The following CENPP variants were observed in gnomAD, a reference collection of about 807,000 sequenced individuals.
CENPP encodes the protein centromere protein P.
CENPP carries 24 observed loss-of-function variants against 35.6 expected under a neutral mutation model. The observed-to-expected ratio is 0.67, with a 90% CI of 0.49 to 0.95. The LOEUF is 0.95. Ranked by LOEUF, CENPP falls within the 40% of genes least tolerant of loss-of-function variation. The pLI, the probability that CENPP is intolerant of heterozygous loss-of-function variation, is 0.00. For synonymous variants in CENPP, 120 were observed against 125.5 expected (o/e 0.96, Z 0.29); for missense variants, 332 against 345.3 (o/e 0.96, Z 0.31).
At chr9:92,598,416 AGAGTATCGG>A (rs1269169261) in intron 5 of CENPP, among the ~76,000 whole-genome samples, 1 of 152,252 alleles carries the variant, frequency 6.6e-6, no homozygotes, top group Non-Finnish European at 1.5e-5. Context: ...AACCCTCCAC[AGAGTATCGG>A]GAGTAGTGGG....
chr9:92,366,550 A>AG (rs1841893917), intron 4 of CENPP, among the ~76,000 whole-genome samples: 1 of 152,200 alleles, frequency 6.6e-6, no homozygotes, highest in Non-Finnish European at 1.5e-5. Flanking sequence ...CAACTGATCT[A>AG]GTTAAAGTCC....
At chr9:92,391,321 G>T (rs1210619180) in intron 5 of CENPP, among the ~76,000 whole-genome samples, 2 of 151,978 alleles carry the variant, frequency 1.3e-5, no homozygotes, top group South Asian at 4.2e-4. Context: ...GCAGGAGAAT[G>T]GCATGAACCT....
At chr9:92,567,383 T>TAG (rs139362081) in intron 5 of CENPP, among the ~76,000 whole-genome samples, 1 of 94,642 alleles carries the variant, frequency 1.1e-5, no homozygotes, top group Non-Finnish European at 2.1e-5. Flanking sequence ...GATATATATA[T>TAG]ATATATATAT....
chr9:92,494,161 C>A lies in CENPP; in HGVS notation c.564+114302C>A. On this transcript the variant is annotated intron_variant, in intron 5 of 7. Coordinates refer to ENST00000375587, the MANE Select transcript of CENPP (RefSeq NM_001012267.3). ...CATCTGAAACACAGCTGAATAAAGT[C>A]AGAGTAAGAAATGAATGAATGAATC... The A allele has an allele frequency of 1.9e-6, 3 of 1,596,564 alleles. No homozygotes were observed. The South Asian group carries it at 3.3e-5, about 18-fold the overall frequency.
chr9:92,445,271 C>T (rs1435683988), intron 5 of CENPP, among the ~76,000 whole-genome samples: 1 of 152,166 alleles, frequency 6.6e-6, no homozygotes, highest in African/African-American at 2.4e-5. Flanking sequence ...TCATTGGGGT[C>T]CAGCAATGAG....
intron 5 of CENPP, among the ~76,000 whole-genome samples, chr9:92,521,167 A>T (rs1477346063): frequency 6.6e-6 from 1 of 152,254 alleles, no homozygotes; most frequent in Admixed American, 6.5e-5. Context: ...TTTTCGGACA[A>T]CTTGGAAATA....
intron 5 of CENPP, among the ~76,000 whole-genome samples, chr9:92,540,305 G>A (rs1366077493): frequency 6.6e-6 from 1 of 152,090 alleles, no homozygotes; most frequent in African/African-American, 2.4e-5. Flanking sequence ...AGGCAAGGTG[G>A]CATGCGCCAG....
chr9:92,339,791 C>T (rs756792363), intron 3 of CENPP: 11 of 153,732 alleles, frequency 7.2e-5, no homozygotes, highest in South Asian at 2.1e-4. Context: ...GGATTGGTAT[C>T]ATTTAGGCTG....
intron 5 of CENPP, among the ~76,000 whole-genome samples, chr9:92,382,659 C>A (rs1181025492): frequency 6.6e-6 from 1 of 151,934 alleles, no homozygotes; most frequent in Non-Finnish European, 1.5e-5. Flanking sequence ...AAGTTTAGGT[C>A]TTTTAGTTTG....
chr9:92,477,155 C>T (rs1385170194), intron 5 of CENPP, among the ~76,000 whole-genome samples: 1 of 152,138 alleles, frequency 6.6e-6, no homozygotes. Flanking sequence ...CTGTAGCAGG[C>T]ATGGGGTGTC....
At chr9:92,536,092 C>T in intron 5 of CENPP, 1 of 476,970 alleles carries the variant, frequency 2.1e-6, no homozygotes, top group Non-Finnish European at 4.1e-6. Context: ...AACTGCCTCC[C>T]TTGGGGATAA....
intron 2 of CENPP, among the ~76,000 whole-genome samples, chr9:92,334,881 A>G (rs866755881): frequency 6.6e-6 from 1 of 151,888 alleles, no homozygotes; most frequent in Non-Finnish European, 1.5e-5. Flanking sequence ...CTGTCTCAAA[A>G]AAAACCAAAA....
chr9:92,326,568 T>C (rs1840518989), intron 1 of CENPP, among the ~76,000 whole-genome samples: 1 of 152,218 alleles, frequency 6.6e-6, no homozygotes, highest in South Asian at 2.1e-4. Flanking sequence ...GTAGTTAATA[T>C]AGACTGCAGG....
At chr9:92,375,724 C>A (rs1458336027) in intron 4 of CENPP, among the ~76,000 whole-genome samples, 1 of 152,066 alleles carries the variant, frequency 6.6e-6, no homozygotes, top group Non-Finnish European at 1.5e-5. Flanking sequence ...TCTTTATTGC[C>A]ATTTCCTGTT....
chr9:92,385,936 T>C (rs972464622), intron 5 of CENPP: 1 of 735,316 alleles, frequency 1.4e-6, no homozygotes, highest in African/African-American at 1.8e-5. Context: ...AATACTCAAA[T>C]GTACACCTGG....
Position 92,443,527 on chromosome 9 carries a change from A to G in CENPP, c.564+63668A>G, listed in dbSNP as rs138505679. ...TGATCCGAGATTCACTGCAATCTCA[A>G]TAATAATCTCAGCTTGGTTTTTGTG... On this transcript the variant is annotated intron_variant, in intron 5 of 7. Coordinates refer to ENST00000375587, the MANE Select transcript of CENPP (RefSeq NM_001012267.3). Among the ~76,000 whole-genome samples the G allele has an allele frequency of 3.1e-3, 475 of 152,340 alleles. 3 individuals are homozygous for G. The highest frequency in any genetic ancestry group is 0.011 in the African/African-American group (454 of 41,586).
intron 5 of CENPP, among the ~76,000 whole-genome samples, chr9:92,584,081 T>C (rs952104510): frequency 6.6e-6 from 1 of 152,200 alleles, no homozygotes; most frequent in Admixed American, 6.5e-5. Flanking sequence ...TTCCTCAGAA[T>C]GTGTCAGGGA....
chr9:92,583,799 A>G (rs1850484431), intron 5 of CENPP, among the ~76,000 whole-genome samples: 1 of 152,226 alleles, frequency 6.6e-6, no homozygotes, highest in South Asian at 2.1e-4. Flanking sequence ...GAGCTGTGCC[A>G]TCATCTGTTT....
chr9:92,433,186 A>G (rs960424813), intron 5 of CENPP, among the ~76,000 whole-genome samples: 1 of 152,190 alleles, frequency 6.6e-6, no homozygotes, highest in Non-Finnish European at 1.5e-5. Flanking sequence ...GCATTTGGCA[A>G]GGGACTTCTT....
Sources: gnomAD v4.1 joint callset for allele counts (sites outside exome capture counted in the v4.1 genomes callset) on GRCh38, gnomAD v4.1.1 for gene constraint, MANE v1.5 for transcripts, NCBI Gene and HGNC (gene_info 2026-07-23, HGNC 2026-07-21) for gene names.